Variants in ABI2 observed in about 807,000 individuals in gnomAD.
ABI2 encodes the protein abelson interactor 2.
A neutral mutation model predicts 59.2 loss-of-function variants in ABI2; 25 were observed. That is an observed-to-expected ratio of 0.42 (90% CI 0.31 to 0.59). The LOEUF (loss-of-function observed/expected upper bound fraction) is 0.59, where lower values mean the gene tolerates loss of function less well. Ranked by LOEUF, ABI2 falls within the 20% of genes least tolerant of loss-of-function variation. The pLI, the probability that ABI2 is intolerant of heterozygous loss-of-function variation, is 0.14. For missense variants in ABI2, 545 were observed against 681.8 expected, an observed-to-expected ratio of 0.80 and a Z score of 2.23; for synonymous variants, 213 against 235.5, an observed-to-expected ratio of 0.90 and a Z score of 0.87.
At chr2:203,374,700 G>C in intron 2 of ABI2, 1 of 374,308 alleles carries the variant, frequency 2.7e-6, no homozygotes. Flanking sequence ...TACATAATTT[G>C]AAGCATAATT....
intron 1 of ABI2, chr2:203,329,314 AAT>A (rs140972186): frequency 0.67 from 98,139 of 146,974 alleles, 35,779 homozygotes; most frequent in Middle Eastern, 0.83. Flanking sequence ...TCTTAGAGAG[AAT>A]TGGGAAGATG....
chr2:203,348,576 C>T (rs2085275386), intron 1 of ABI2, among the ~76,000 whole-genome samples: 2 of 152,094 alleles, frequency 1.3e-5, no homozygotes, highest in Admixed American at 1.3e-4. Flanking sequence ...GGAAATTTTC[C>T]CTCAATTAAA....
rs947530116 is a variant in ABI2 at position 203,411,439 on chromosome 2, A to T, written c.1279+68A>T. The T allele has an allele frequency of 4.1e-6, 5 of 1,213,974 alleles. No individual in the cohort carries two copies. The African/African-American group carries it at 6.0e-5, about 15-fold the overall frequency. The allele number at this position is 1,213,974 out of a possible 1,614,324, so 75.2% of individuals were successfully genotyped here. The stretch of plus-strand genomic sequence containing the variant: ...ATAAAATGTCATTTATATGTGATTG[A>T]CTGGATAGTCATTCATTTGCTGATA... On this transcript the variant is annotated intron_variant, in intron 10 of 11. Transcript: ENST00000261018.
At chr2:203,340,974 C>G (rs1383868015) in intron 1 of ABI2, among the ~76,000 whole-genome samples, 1 of 152,186 alleles carries the variant, frequency 6.6e-6, no homozygotes, top group African/African-American at 2.4e-5. Context: ...TTTTCTTGAA[C>G]ATACCAGGCA....
intron 4 of ABI2, among the ~76,000 whole-genome samples, chr2:203,382,573 T>C (rs1256895521): frequency 1.3e-5 from 2 of 152,220 alleles, no homozygotes; most frequent in East Asian, 1.9e-4. Flanking sequence ...TTTATAAATA[T>C]AGAGACTTTG....
At chr2:203,372,217 A>T (rs577679000) in intron 2 of ABI2, among the ~76,000 whole-genome samples, 1 of 152,250 alleles carries the variant, frequency 6.6e-6, no homozygotes, top group African/African-American at 2.4e-5. Context: ...TGGACACAGC[A>T]CATGTTTCAG....
chr2:203,349,507 C>T (rs894686913), intron 1 of ABI2, among the ~76,000 whole-genome samples: 7 of 152,014 alleles, frequency 4.6e-5, no homozygotes, highest in Non-Finnish European at 1.0e-4. Flanking sequence ...CACGTTCAAG[C>T]GATTCTCCTT....
At chr2:203,342,552 T>TTTTATTTA (rs10623488) in intron 1 of ABI2, among the ~76,000 whole-genome samples, 48,944 of 140,258 alleles carry the variant, frequency 0.35, 9,136 homozygotes, top group Middle Eastern at 0.5. Context: ...CCTCAAAACC[T>TTTTATTTA]TTTATTTATT....
At chr2:203,346,243 T>C (rs569358481) in intron 1 of ABI2, among the ~76,000 whole-genome samples, 1 of 152,318 alleles carries the variant, frequency 6.6e-6, no homozygotes, top group Non-Finnish European at 1.5e-5. Flanking sequence ...TTTGAGGAGT[T>C]TATTGTTGCA....
At chr2:203,383,013 C>G (rs913393440) in intron 4 of ABI2, among the ~76,000 whole-genome samples, 4 of 152,122 alleles carry the variant, frequency 2.6e-5, no homozygotes, top group African/African-American at 7.2e-5. Context: ...TTCAAGAAGC[C>G]TGCCTAAAAT....
At chr2:203,328,696 CGTGGGGCCGAGGCCGCCTCGGGGA>C (rs1489093123) in intron 1 of ABI2, 65 bp downstream of exon 1, 57 of 1,188,084 alleles carry the variant, frequency 4.8e-5, no homozygotes, top group Admixed American at 3.7e-5. Flanking sequence ...CGCCTCGGGG[CGTGGGGCCGAGGCCGCCTCGGGGA>C]CACGGCCCAG....
chr2:203,359,728 T>A (rs1414830321), intron 1 of ABI2, among the ~76,000 whole-genome samples: 1 of 152,082 alleles, frequency 6.6e-6, no homozygotes, highest in Admixed American at 6.6e-5. Flanking sequence ...CAAGCTCCCT[T>A]GGACCTCTTT....
intron 1 of ABI2, among the ~76,000 whole-genome samples, chr2:203,332,209 A>G (rs1308842183): frequency 1.3e-5 from 2 of 152,266 alleles, no homozygotes; most frequent in Non-Finnish European, 2.9e-5. Context: ...ATAAACAGGT[A>G]TAACTACAGT....
At chr2:203,420,158 T>A (rs1178529936) in intron 11 of ABI2, among the ~76,000 whole-genome samples, 1 of 152,218 alleles carries the variant, frequency 6.6e-6, no homozygotes, top group African/African-American at 2.4e-5. Context: ...TTAACCATTG[T>A]CCTAAACGTG....
rs1004476478 is a variant in ABI2, at chr2:203,396,939, C to T, written c.1005C>T (p.Pro335=). The change falls in exon 8 of 12, where the codon CCC becomes CCT. Residue 335 remains proline (P), a synonymous_variant. Coordinates refer to ENST00000261018, the MANE Select transcript of ABI2 (RefSeq NM_001375670.1). ...TLADGFTSPT[P]PVVSSTPPTG... ...CTGATGGCTTCACTTCTCCAACTCCCCCTGTTGTTTCTTCCACTCCCCCTA... is the reference window on the plus strand; with the variant it reads ...CTGATGGCTTCACTTCTCCAACTCCTCCTGTTGTTTCTTCCACTCCCCCTA... 1.3e-6 allele frequency: 2 copies of T among 1,514,166 alleles called. No individual in the cohort carries two copies. Among genetic ancestry groups the T allele is most frequent in the African/African-American group, 2.8e-5 (2 of 72,098 alleles). The allele number at this position is 1,514,166 out of a possible 1,614,324, so 93.8% of individuals were successfully genotyped here.
intron 1 of ABI2, among the ~76,000 whole-genome samples, chr2:203,341,423 A>G (rs2079845816): frequency 6.6e-6 from 1 of 152,210 alleles, no homozygotes; most frequent in Non-Finnish European, 1.5e-5. Context: ...AGTGAAATAA[A>G]TTAGTTTTGG....
intron 11 of ABI2, among the ~76,000 whole-genome samples, chr2:203,418,369 A>C (rs1233508572): frequency 6.6e-6 from 1 of 152,212 alleles, no homozygotes; most frequent in Non-Finnish European, 1.5e-5. Flanking sequence ...GACTCTTCAC[A>C]CGGCTGCAAT....
chr2:203,396,594 C>T (rs940986964), intron 7 of ABI2, among the ~76,000 whole-genome samples, 191 bp from the exon 8 acceptor site: 5 of 152,090 alleles, frequency 3.3e-5, no homozygotes, highest in African/African-American at 1.2e-4. Flanking sequence ...TGCACATTAC[C>T]CTGAGCATCT....
intron 7 of ABI2, 46 bp from the exon 8 acceptor site, chr2:203,396,739 T>C: frequency 6.8e-7 from 1 of 1,474,464 alleles, no homozygotes; most frequent in Non-Finnish European, 9.0e-7. Flanking sequence ...TCCTGCCTCA[T>C]GTGATTGCCT....
Sources: allele counts gnomAD v4.1 joint callset (sites outside exome capture counted in the v4.1 genomes callset), GRCh38; gene constraint gnomAD v4.1.1; transcripts MANE v1.5; gene names NCBI Gene and HGNC (gene_info 2026-07-23, HGNC 2026-07-21).